LDHB: variants seen among roughly 807,000 people sequenced by gnomAD.
LDHB encodes lactate dehydrogenase B, also known as L-lactate dehydrogenase B chain.
A neutral mutation model predicts 33.4 loss-of-function variants in LDHB; 18 were observed. The observed-to-expected ratio is 0.54, with a 90% CI of 0.37 to 0.80. LDHB has a LOEUF of 0.80. LDHB is among the 30% of genes least tolerant of loss of function. The pLI is 0.00. For missense variants in LDHB, 345 were observed against 407.9 expected (o/e 0.85, Z 1.33); for synonymous variants, 121 against 140.6 (o/e 0.86, Z 0.98).
chr12:21,635,469 A>G lies in LDHB; in HGVS notation c.*73T>C, dbSNP rs886049163. On this transcript the variant is annotated 3_prime_UTR_variant, in exon 8 of 8. Coordinates refer to ENST00000350669, the MANE Select transcript of LDHB (RefSeq NM_002300.8). The stretch of plus-strand genomic sequence containing the variant: ...GATCAAAGCAAACTGTGATCCATGT[A>G]CATGGATGAAAACTAAAGGCTCGAG... The G allele has an allele frequency of 3.6e-5, 44 of 1,224,940 alleles. 1 individual carries two copies. The South Asian group carries it at 5.3e-4, about 15-fold the overall frequency. The allele number at this position is 1,224,940 out of a possible 1,614,324, so 75.9% of individuals were successfully genotyped here.
intron 2 of LDHB, among the ~76,000 whole-genome samples, chr12:21,652,993 G>A (rs918996719): frequency 1.3e-5 from 2 of 152,136 alleles, no homozygotes; most frequent in Non-Finnish European, 2.9e-5. Flanking sequence ...TGATACAAAG[G>A]GACAGTGTGT....
intron 2 of LDHB, among the ~76,000 whole-genome samples, chr12:21,651,507 C>T (rs961917226): frequency 6.6e-6 from 1 of 152,178 alleles, no homozygotes; most frequent in Non-Finnish European, 1.5e-5. Flanking sequence ...CTCTCCAATG[C>T]TATGCTTTTA....
intron 5 of LDHB, among the ~76,000 whole-genome samples, chr12:21,639,578 C>T (rs1938312304): frequency 6.6e-6 from 1 of 152,026 alleles, no homozygotes. Flanking sequence ...CTAGCATTTA[C>T]TGAACTTTTA....
Position 21,637,090 on chromosome 12 carries a change from G to A in LDHB, c.818C>T (p.Pro273Leu), listed in dbSNP as rs1938239268. The A allele has an allele frequency of 6.2e-7, 1 of 1,606,136 alleles. No homozygotes were observed. Among genetic ancestry groups the A allele is most frequent in the Non-Finnish European group, 8.5e-7 (1 of 1,174,048 alleles). ...SMLKNLSRIH[P>L]VSTMVKGMYG... ...TCTTACCTTTACCATTGTTGACACG[G>A]GATGAATCCTGGATAGATTTTTCAA... The change falls in exon 7 of 8, where the codon CCC (proline) becomes CTC (leucine). Residue 273 changes from proline (P) to leucine (L), a missense_variant. By Grantham distance (98) the Pro-to-Leu change is moderately conservative. Coordinates refer to ENST00000350669, the MANE Select transcript of LDHB (RefSeq NM_002300.8).
intron 2 of LDHB, among the ~76,000 whole-genome samples, chr12:21,648,056 G>T (rs1938577908): frequency 6.6e-6 from 1 of 152,016 alleles, no homozygotes; most frequent in East Asian, 1.9e-4. Flanking sequence ...AAAGGTGGTT[G>T]GTCTACATGC....
chr12:21,643,864 C>T (rs1427692920), intron 4 of LDHB, 71 bp downstream of exon 4: 5 of 1,248,028 alleles, frequency 4.0e-6, no homozygotes, highest in South Asian at 2.4e-5. Context: ...GATTTTAGTC[C>T]AAAACAATAA....
chr12:21,649,904 C>T (rs1938634455), intron 2 of LDHB, among the ~76,000 whole-genome samples: 1 of 151,950 alleles, frequency 6.6e-6, no homozygotes, highest in Admixed American at 6.6e-5. Context: ...ACAGCCTGGC[C>T]AACATAGTGA....
chr12:21,645,397 C>T (rs977483421), intron 3 of LDHB, among the ~76,000 whole-genome samples: 2 of 151,958 alleles, frequency 1.3e-5, no homozygotes, highest in African/African-American at 4.8e-5. Context: ...GGGTCTGTGC[C>T]GAGGAGGATT....
chr12:21,647,151 T>G, intron 2 of LDHB, 135 bp from the exon 3 acceptor site: 1 of 650,198 alleles, frequency 1.5e-6, no homozygotes, highest in Non-Finnish European at 2.7e-6. Context: ...ACCATGGAGT[T>G]AGATACTCAA....
chr12:21,635,400 G>A lies in LDHB; in HGVS notation c.*142C>T. 1 of 745,860 alleles carries A rather than the reference G, an allele frequency of 1.3e-6. No homozygotes were observed. The highest frequency in any genetic ancestry group is 2.5e-5 in the East Asian group (1 of 39,822). 46.2% of individuals were successfully genotyped at this position (745,860 alleles called of 1,614,324 possible). Reference sequence around the variant, plus strand: ...GCTCAGATTGCAAGCATTAAACCAAGCATAGGCTTTGATTCTGTGAGCCCA... The same window carrying A: ...GCTCAGATTGCAAGCATTAAACCAAACATAGGCTTTGATTCTGTGAGCCCA... On this transcript the variant is annotated 3_prime_UTR_variant, in exon 8 of 8. Coordinates refer to ENST00000350669, the MANE Select transcript of LDHB (RefSeq NM_002300.8).
At chr12:21,643,367 T>C (rs2136967871) in intron 4 of LDHB, among the ~76,000 whole-genome samples, 1 of 152,394 alleles carries the variant, frequency 6.6e-6, no homozygotes, top group East Asian at 1.9e-4. Flanking sequence ...AAGTGCATTC[T>C]TTCTAGTCAG....
rs1210154333 is a variant in LDHB at position 21,644,028 on chromosome 12, G to C, written c.328C>G (p.Leu110Val). 1 of 1,611,968 alleles carries C rather than the reference G, an allele frequency of 6.2e-7. No homozygotes were observed. Among genetic ancestry groups the C allele is most frequent in the Non-Finnish European group, 8.5e-7 (1 of 1,178,092 alleles). ...RQQEGESRLN[L>V]VQRNVNVFKF... Reference sequence around the variant, plus strand: ...AAGACATTAACATTTCTCTGCACCAGATTGAGCCGACTCTCCCCTTCTTGC... The same window carrying C: ...AAGACATTAACATTTCTCTGCACCACATTGAGCCGACTCTCCCCTTCTTGC... Residue 110 changes from leucine to valine, a missense_variant, in exon 4 of 8, where the codon CTG becomes GTG. Physicochemically the swap from Leu to Val is conservative, Grantham distance 32. Transcript: ENST00000350669.
At chr12:21,653,995 G>C (rs1938764991) in intron 2 of LDHB, among the ~76,000 whole-genome samples, 1 of 152,144 alleles carries the variant, frequency 6.6e-6, no homozygotes, top group Admixed American at 6.6e-5. Context: ...TCTCCTGATG[G>C]TCTGCACAAA....
chr12:21,652,657 T>C (rs1411466648), intron 2 of LDHB, among the ~76,000 whole-genome samples: 4 of 152,142 alleles, frequency 2.6e-5, no homozygotes, highest in Middle Eastern at 6.8e-3. Flanking sequence ...TAAATGATAG[T>C]TACCTAGTCA....
chr12:21,645,183 T>C (rs1278908720), intron 3 of LDHB, among the ~76,000 whole-genome samples: 1 of 152,096 alleles, frequency 6.6e-6, no homozygotes, highest in Non-Finnish European at 1.5e-5. Context: ...CACATGCTTG[T>C]TAAGAGTCAT....
chr12:21,643,745 A>C, intron 4 of LDHB, 190 bp downstream of exon 4: 1 of 573,294 alleles, frequency 1.7e-6, no homozygotes, highest in Non-Finnish European at 3.1e-6. Flanking sequence ...CTCTTGTCAC[A>C]TTTTTTGAAC....
In LDHB at chr12:21,654,597, A is replaced by G. The variant is rs1291315519; in HGVS notation, c.75T>C (p.Thr25=). The part of the protein sequence containing the change: ...EEATVPNNKI[T]VVGVGQVGMA... ...TACCAACTTGTCCAACACCCACTAC[A>G]GTGATCTTATTGTTTGGAACTGTTG... The change falls in exon 2 of 8, where the codon ACT becomes ACC. Residue 25 remains threonine, a synonymous_variant. Coordinates refer to ENST00000350669, the MANE Select transcript of LDHB (RefSeq NM_002300.8). 1 of 1,614,092 alleles carries G rather than the reference A, an allele frequency of 6.2e-7. No homozygotes were observed. The highest frequency in any genetic ancestry group is 1.7e-5 in the Admixed American group (1 of 60,032).
chr12:21,637,428 G>A, intron 6 of LDHB: 2 of 388,538 alleles, frequency 5.1e-6, no homozygotes, highest in Non-Finnish European at 9.2e-6. Context: ...TTAGTTTATT[G>A]TATAAGTTAA....
chr12:21,646,953 C>T lies in LDHB; in HGVS notation c.193G>A (p.Asp65Asn). ...AGAAATAAGCTCCCATGCTGCAGAT[C>T]CATCATTTCTCCTTTAAGCTTATCT... is the stretch of plus-strand genomic sequence containing the variant. ...LEDKLKGEMM[D>N]LQHGSLFLQT... is the part of the protein sequence containing the mutation. Residue 65 changes from aspartate (D) to asparagine (N), a missense_variant, in exon 3 of 8, where the codon GAT becomes AAT. Coordinates refer to ENST00000350669, the MANE Select transcript of LDHB (RefSeq NM_002300.8). 1 of 1,613,786 alleles carries T rather than the reference C, an allele frequency of 6.2e-7. No individual in the cohort carries two copies. Among genetic ancestry groups the T allele is most frequent in the Non-Finnish European group, 8.5e-7 (1 of 1,179,764 alleles).
Sources: gnomAD v4.1 joint callset for allele counts (sites outside exome capture counted in the v4.1 genomes callset) on GRCh38, gnomAD v4.1.1 for gene constraint, MANE v1.5 for transcripts, NCBI Gene and HGNC (gene_info 2026-07-23, HGNC 2026-07-21) for gene names.